The following ZNF567 variants were observed in gnomAD, a reference collection of about 807,000 sequenced individuals.
ZNF567 encodes zinc finger protein 567.
ZNF567 carries 36 observed loss-of-function variants against 53.9 expected under a neutral mutation model. That is an observed-to-expected ratio of 0.67 (90% confidence interval 0.51 to 0.88). ZNF567 has a LOEUF of 0.88. Among genes scored for constraint, ZNF567 ranks in the 40% least tolerant of loss-of-function variants. The pLI is 0.00. For synonymous variants in ZNF567, 224 were observed against 260.4 expected (o/e 0.86, Z 1.35); for missense variants, 619 against 764.7 (o/e 0.81, Z 2.25).
At chr19:36,669,765 C>T in the ZNF567 span, among the ~76,000 whole-genome samples, 1 of 152,130 alleles carries the variant, frequency 6.6e-6, no homozygotes, top group Non-Finnish European at 1.5e-5. Flanking sequence ...GACCTGGCCT[C>T]CCCTTTGTTC....
intron 3 of ZNF567, among the ~76,000 whole-genome samples, chr19:36,701,509 T>G (rs2039184265): frequency 6.6e-6 from 1 of 152,128 alleles, no homozygotes; most frequent in Non-Finnish European, 1.5e-5. Flanking sequence ...ATCTGTCTAA[T>G]GTTGACAGTG....
rs2040265180 is a variant in ZNF567, at chr19:36,720,533, TC to T, written c.1810del (p.Ile605LeufsTer45). 1.2e-6 allele frequency: 2 copies of T among 1,613,858 alleles called. No homozygotes were observed. Among genetic ancestry groups the T allele is most frequent in the Non-Finnish European group, 1.7e-6 (2 of 1,179,968 alleles). ...CGKCFRQKTN[L>X]IVHQRTHTGE... ...GAAAGTGCTTCCGCCAGAAGACAAA[TC>T]TTATTGTACATCAGAGAACTCACAC... On this transcript the variant is annotated frameshift_variant, in exon 6 of 6. Transcript: ENST00000682579. LOFTEE classifies it high-confidence loss of function.
intron 3 of ZNF567, among the ~76,000 whole-genome samples, chr19:36,698,466 T>A (rs2039006947): frequency 4.0e-5 from 6 of 150,442 alleles, no homozygotes; most frequent in Non-Finnish European, 7.4e-5. Context: ...GGTCAAATGG[T>A]ATTTCTAGTT....
intron 3 of ZNF567, among the ~76,000 whole-genome samples, chr19:36,695,982 CTG>C (rs1260473630): frequency 6.6e-6 from 1 of 152,212 alleles, no homozygotes; most frequent in African/African-American, 2.4e-5. Context: ...GTACAAAAAA[CTG>C]AGAATCTTGT....
chr19:36,699,464 C>G (rs2039062058), intron 3 of ZNF567, among the ~76,000 whole-genome samples: 1 of 152,150 alleles, frequency 6.6e-6, no homozygotes, highest in South Asian at 2.1e-4. Flanking sequence ...TGAAGAAAGT[C>G]AGTGGTAGCT....
upstream of ZNF567, chr19:36,686,574 C>T (rs2038277572): frequency 6.6e-6 from 1 of 152,122 alleles, no homozygotes; most frequent in African/African-American, 2.4e-5. Flanking sequence ...TGATGTGGAT[C>T]ACATGGAACC....
chr19:36,705,861 G>C lies in ZNF567; in HGVS notation c.10-6525G>C, dbSNP rs146847589. 6.5e-3 allele frequency among the ~76,000 whole-genome samples: 987 copies of C among 152,182 alleles called. 4 individuals are homozygous for C. The highest frequency in any genetic ancestry group is 0.02 in the South Asian group (98 of 4,822). ...TCACCCTGTCCTATTATTATGAAAT[G>C]CTTCAATTAATCCTTGATAATATTC... On this transcript the variant is annotated intron_variant, in intron 3 of 5. Coordinates refer to ENST00000682579, the MANE Select transcript of ZNF567 (RefSeq NM_001322917.1).
chr19:36,712,879 G>C lies in ZNF567; in HGVS notation c.223+12G>C. 1 of 1,606,764 alleles carries C rather than the reference G, an allele frequency of 6.2e-7. No homozygotes were observed. Among genetic ancestry groups the C allele is most frequent in the South Asian group, 1.1e-5 (1 of 90,592 alleles). ...TCATACCTGCTTGGGTGAGTTTCTGGCTCTTAGGCAGACACAGTCTAGCAG... is the reference window on the plus strand; with the variant it reads ...TCATACCTGCTTGGGTGAGTTTCTGCCTCTTAGGCAGACACAGTCTAGCAG... On this transcript the variant is annotated intron_variant, in intron 5 of 5. Coordinates refer to ENST00000682579, the MANE Select transcript of ZNF567 (RefSeq NM_001322917.1).
chr19:36,685,237 G>A (rs566358693), upstream of ZNF567, among the ~76,000 whole-genome samples: 43 of 152,260 alleles, frequency 2.8e-4, no homozygotes, highest in African/African-American at 9.9e-4. Context: ...GCAGTAAGTC[G>A]AGATCACGCC....
chr19:36,696,668 C>T (rs3108182), intron 3 of ZNF567, among the ~76,000 whole-genome samples: 102,222 of 152,074 alleles, frequency 0.67, 34,683 homozygotes, highest in East Asian at 0.82. Context: ...TGATACCATC[C>T]TTATTTGGGT....
chr19:36,687,934 C>T (rs1004613171), intron 1 of ZNF567, among the ~76,000 whole-genome samples: 2 of 152,142 alleles, frequency 1.3e-5, no homozygotes, highest in African/African-American at 4.8e-5. Flanking sequence ...GCTCCTGGAG[C>T]ACGGCCTGGC....
chr19:36,676,577 T>C, the ZNF567 span, among the ~76,000 whole-genome samples: 1 of 152,152 alleles, frequency 6.6e-6, no homozygotes, highest in Non-Finnish European at 1.5e-5. Context: ...TAATTACTTT[T>C]GCACCAACCT....
chr19:36,713,520 G>C (rs1248106631), intron 5 of ZNF567, among the ~76,000 whole-genome samples: 1 of 151,902 alleles, frequency 6.6e-6, no homozygotes, highest in Non-Finnish European at 1.5e-5. Flanking sequence ...TGAGGTAGGA[G>C]AATCACTTGA....
At chr19:36,693,897 A>G (rs2038746702) in intron 2 of ZNF567, among the ~76,000 whole-genome samples, 1 of 152,332 alleles carries the variant, frequency 6.6e-6, no homozygotes, top group Admixed American at 6.5e-5. Flanking sequence ...TCAAATGAGA[A>G]ACTATAAAAA....
At position 36,719,610 on chromosome 19, in the gene ZNF567, C is replaced by A; in HGVS notation, c.886C>A (p.Leu296Ile). The change falls in exon 6 of 6, where the codon CTC becomes ATC. Residue 296 changes from leucine to isoleucine, a missense_variant. Physicochemically the swap from Leu to Ile is conservative, Grantham distance 5. Transcript: ENST00000682579. ...CGNAFRRKSY[L>I]IDHQRTHTGE... is the part of the protein sequence containing the mutation. ...AAATGCATTTAGAAGGAAATCATAT[C>A]TCATTGATCATCAGAGAACTCACAC... is the stretch of plus-strand genomic sequence containing the variant. The A allele has an allele frequency of 6.2e-7, 1 of 1,614,158 alleles. No individual in the cohort carries two copies. The highest frequency in any genetic ancestry group is 1.3e-5 in the African/African-American group (1 of 75,060).
At chr19:36,701,966 A>G (rs2039216262) in intron 3 of ZNF567, among the ~76,000 whole-genome samples, 1 of 151,664 alleles carries the variant, frequency 6.6e-6, no homozygotes, top group African/African-American at 2.4e-5. Flanking sequence ...TCCTGTCATT[A>G]TGATGATAGC....
In ZNF567 at chr19:36,718,429, G is replaced by T. The variant is rs745860961; in HGVS notation, c.224-519G>T. On this transcript the variant is annotated intron_variant, in intron 5 of 5. Coordinates refer to ENST00000682579, the MANE Select transcript of ZNF567 (RefSeq NM_001322917.1). ...CAGGAGAATCGCTTGAACCCAGGAGGCAGAGGTTGCAGTGAGCCGAGATCA... is the reference window on the plus strand; with the variant it reads ...CAGGAGAATCGCTTGAACCCAGGAGTCAGAGGTTGCAGTGAGCCGAGATCA... Among the ~76,000 whole-genome samples, 5 of 152,234 alleles carry T rather than the reference G, an allele frequency of 3.3e-5. No individual in the cohort carries two copies. The South Asian group carries it at 6.2e-4, about 19-fold the overall frequency.
At chr19:36,725,365 G>C (rs1299975361), downstream of ZNF567, among the ~76,000 whole-genome samples, 1 of 151,922 alleles carries the variant, frequency 6.6e-6, no homozygotes, top group African/African-American at 2.4e-5. Context: ...ACCACACCCG[G>C]CTAATTTTGG....
intron 3 of ZNF567, among the ~76,000 whole-genome samples, chr19:36,703,219 A>G (rs1424270382): frequency 6.6e-6 from 1 of 152,200 alleles, no homozygotes; most frequent in Non-Finnish European, 1.5e-5. Flanking sequence ...GGGTATCAGC[A>G]GCAGTGTCTG....
Sources: allele counts gnomAD v4.1 joint callset (sites outside exome capture counted in the v4.1 genomes callset), GRCh38; gene constraint gnomAD v4.1.1; transcripts MANE v1.5; gene names NCBI Gene and HGNC (gene_info 2026-07-23, HGNC 2026-07-21).